ARHGAP39: variants seen among roughly 807,000 people sequenced by gnomAD.
The protein encoded by ARHGAP39 is rho GTPase-activating protein 39.
Under a neutral mutation model 106.9 loss-of-function variants are expected in ARHGAP39, and 44 were observed. The ratio of observed to expected loss-of-function variants is 0.41; its 90% CI spans 0.32 to 0.53. The LOEUF (loss-of-function observed/expected upper bound fraction) is 0.53. ARHGAP39 is among the 20% of genes least tolerant of loss of function. ARHGAP39 has a pLI of 0.21. For synonymous variants in ARHGAP39, 768 were observed against 693.2 expected (o/e 1.11, Z -1.69); for missense variants, 1,496 against 1,577.3 (o/e 0.95, Z 0.87).
intron 1 of ARHGAP39, among the ~76,000 whole-genome samples, chr8:144,607,385 C>G (rs996880460): frequency 1.3e-5 from 2 of 152,068 alleles, no homozygotes; most frequent in Non-Finnish European, 2.9e-5. Flanking sequence ...GGGGAGGGAC[C>G]CACGGCTGTA....
intron 1 of ARHGAP39, among the ~76,000 whole-genome samples, chr8:144,613,233 A>G (rs181909549): frequency 2.2e-3 from 331 of 152,312 alleles, no homozygotes; most frequent in African/African-American, 7.5e-3. Context: ...CACAGTTACT[A>G]TTCTTAAACA....
At chr8:144,610,922 T>G (rs1820470374) in intron 1 of ARHGAP39, among the ~76,000 whole-genome samples, 1 of 152,028 alleles carries the variant, frequency 6.6e-6, no homozygotes, top group African/African-American at 2.4e-5. Flanking sequence ...GTTCAAGCGA[T>G]TCTCCTGCCT....
chr8:144,530,666 G>A (rs775619668), intron 11 of ARHGAP39, 36 bp downstream of exon 11: 10 of 1,534,262 alleles, frequency 6.5e-6, no homozygotes, highest in South Asian at 3.6e-5. Flanking sequence ...GGGGCGGGGA[G>A]GGGAAAGCAG....
At chr8:144,677,995 G>A (rs780421518) in intron 1 of ARHGAP39, among the ~76,000 whole-genome samples, 3 of 152,186 alleles carry the variant, frequency 2.0e-5, no homozygotes, top group Admixed American at 1.3e-4. Flanking sequence ...ATGTGTCAAC[G>A]AGTCCCTCCC....
chr8:144,632,010 T>G (rs1031338972), intron 1 of ARHGAP39, among the ~76,000 whole-genome samples: 1 of 152,184 alleles, frequency 6.6e-6, no homozygotes, highest in Admixed American at 6.5e-5. Context: ...CAACGTGCAC[T>G]GGTTCTCACC....
At chr8:144,609,385 C>T (rs369601897) in intron 1 of ARHGAP39, among the ~76,000 whole-genome samples, 69 of 148,354 alleles carry the variant, frequency 4.7e-4, no homozygotes, top group Non-Finnish European at 8.7e-4. Context: ...CAATTGGTCA[C>T]GATGTATTGT....
At position 144,671,345 on chromosome 8, in the gene ARHGAP39, G is replaced by T. The variant is rs1822095442; in HGVS notation, c.-82+14341C>A. 6.6e-6 allele frequency among the ~76,000 whole-genome samples: 1 copy of T among 152,238 alleles called. No homozygotes were observed. The highest frequency in any genetic ancestry group is 2.4e-5 in the African/African-American group (1 of 41,462). On this transcript the variant is annotated intron_variant, in intron 1 of 11. Transcript: ENST00000377307. The surrounding 1 kb of genome is among the most constrained non-coding windows in gnomAD (Gnocchi z 4.5). The stretch of plus-strand genomic sequence containing the variant: ...GTAAGTTCTGATGTTTTCCGCAAAA[G>T]AAATGAACGAATAAAGCTGGAGTTA...
chr8:144,652,394 C>G (rs1821594955), intron 1 of ARHGAP39, among the ~76,000 whole-genome samples: 1 of 152,172 alleles, frequency 6.6e-6, no homozygotes, highest in South Asian at 2.1e-4. Context: ...ATTTGCCCAG[C>G]AATTCCATTA....
chr8:144,619,797 T>G (rs1236970632), intron 1 of ARHGAP39, among the ~76,000 whole-genome samples: 1 of 148,548 alleles, frequency 6.7e-6, no homozygotes, highest in Non-Finnish European at 1.5e-5. Context: ...AGAGAGCGCG[T>G]GCCCGTGTGT....
chr8:144,619,448 A>G (rs1034251127), intron 1 of ARHGAP39, among the ~76,000 whole-genome samples: 2 of 147,150 alleles, frequency 1.4e-5, no homozygotes, highest in African/African-American at 2.5e-5. Context: ...GACAGCAGGT[A>G]TGCTCGTGTG....
rs1340410812 is a variant in ARHGAP39, at chr8:144,645,662, G to A, written c.-81-39967C>T. 2.6e-5 allele frequency among the ~76,000 whole-genome samples: 4 copies of A among 152,236 alleles called. No individual in the cohort carries two copies. The highest frequency in any genetic ancestry group is 4.8e-5 in the African/African-American group (2 of 41,456). ...GAATGAAAGACATGACATGTAAAGT[G>A]CAAACATGAGGGATTCTTATCCTCT... On this transcript the variant is annotated intron_variant, in intron 1 of 11. Transcript: ENST00000377307. This position sits in a 1 kb window ranked among gnomAD's most constrained non-coding sequence, Gnocchi z 4.4.
At chr8:144,655,122 C>G (rs1178434011) in intron 1 of ARHGAP39, among the ~76,000 whole-genome samples, 1 of 152,170 alleles carries the variant, frequency 6.6e-6, no homozygotes, top group East Asian at 1.9e-4. Context: ...AGGAAGCAGA[C>G]AGATTCCTGA....
rs1046721384 is a variant in ARHGAP39, at chr8:144,604,225, C to A, written c.80+1310G>T. ...GCAGCTGCACCTCGGGGGGTGCGGG[C>A]GAGGCCTCTGTCGGGGTCAGAGGTC... On this transcript the variant is annotated intron_variant, in intron 2 of 11. Coordinates refer to ENST00000377307, the MANE Select transcript of ARHGAP39 (RefSeq NM_025251.3). This position sits in a 1 kb window ranked among gnomAD's most constrained non-coding sequence, Gnocchi z 4.1. Among the ~76,000 whole-genome samples, 1 of 152,098 alleles carries A rather than the reference C, an allele frequency of 6.6e-6. No individual in the cohort carries two copies. The highest frequency in any genetic ancestry group is 6.6e-5 in the Admixed American group (1 of 15,266).
At chr8:144,621,327 C>T (rs886298972) in intron 1 of ARHGAP39, among the ~76,000 whole-genome samples, 1 of 152,276 alleles carries the variant, frequency 6.6e-6, no homozygotes, top group Admixed American at 6.5e-5. Flanking sequence ...TTCCACGGCC[C>T]CCAGGGCTTC....
chr8:144,629,339 G>A (rs148212057), intron 1 of ARHGAP39, among the ~76,000 whole-genome samples: 6 of 152,274 alleles, frequency 3.9e-5, no homozygotes, highest in East Asian at 3.9e-4. Context: ...GGCAGAGCAC[G>A]GCCGTGAGAC....
In ARHGAP39 at chr8:144,679,943, G is replaced by A. The variant is rs1302652547; in HGVS notation, c.-82+5743C>T. 2.0e-5 allele frequency among the ~76,000 whole-genome samples: 3 copies of A among 152,146 alleles called. No individual in the cohort carries two copies. The highest frequency in any genetic ancestry group is 4.8e-5 in the African/African-American group (2 of 41,426). On this transcript the variant is annotated intron_variant, in intron 1 of 11. Coordinates refer to ENST00000377307, the MANE Select transcript of ARHGAP39 (RefSeq NM_025251.3). The surrounding 1 kb of genome is among the most constrained non-coding windows in gnomAD (Gnocchi z 4.7). ...TGCAGTGAGTCGAGATCGCGCCGCC[G>A]CACTCCAGCCTGGACGACAGAGCAA...
At chr8:144,659,936 A>G (rs1338192008) in intron 1 of ARHGAP39, among the ~76,000 whole-genome samples, 2 of 152,108 alleles carry the variant, frequency 1.3e-5, no homozygotes, top group Non-Finnish European at 2.9e-5. Flanking sequence ...TTCTCTACCC[A>G]ACCACCTCTC....
upstream of ARHGAP39, among the ~76,000 whole-genome samples, chr8:144,687,005 A>ACCCCCG (rs1822614400): frequency 4.0e-5 from 3 of 74,444 alleles, no homozygotes; most frequent in African/African-American, 8.0e-5. Flanking sequence ...GGCGGCGACC[A>ACCCCCG]TTTCCCACCC....
At chr8:144,613,220 T>C (rs1316739729) in intron 1 of ARHGAP39, among the ~76,000 whole-genome samples, 2 of 152,266 alleles carry the variant, frequency 1.3e-5, no homozygotes, top group Non-Finnish European at 2.9e-5. Flanking sequence ...TTCCTCTCTG[T>C]TACACAGTTA....
Sources: gnomAD v4.1 joint callset for allele counts (sites outside exome capture counted in the v4.1 genomes callset) on GRCh38, gnomAD v4.1.1 for gene constraint, Gnocchi (gnomAD v3.1) non-coding constraint, MANE v1.5 for transcripts, NCBI Gene and HGNC (gene_info 2026-07-23, HGNC 2026-07-21) for gene names.